SLIT3: variants seen among roughly 807,000 people sequenced by gnomAD.
SLIT3 encodes the protein slit homolog 3 protein.
Under a neutral mutation model 184.0 loss-of-function variants are expected in SLIT3, and 68 were observed. The observed-to-expected ratio is 0.37, with a 90% CI of 0.30 to 0.45. The LOEUF (loss-of-function observed/expected upper bound fraction) is 0.45, where lower values mean the gene tolerates loss of function less well. Among genes scored for constraint, SLIT3 ranks in the 20% least tolerant of loss-of-function variants. The pLI is 1.00. For missense variants in SLIT3, 1,707 were observed against 2,026.0 expected, an observed-to-expected ratio of 0.84 and a Z score of 3.02; for synonymous variants, 831 against 828.6, an observed-to-expected ratio of 1.00 and a Z score of -0.05.
In SLIT3 at chr5:169,103,290, A is replaced by G. The variant is rs184098035; in HGVS notation, c.413+90189T>C. Among the ~76,000 whole-genome samples the G allele has an allele frequency of 2.7e-3, 405 of 152,362 alleles. 2 individuals are homozygous for G. Among genetic ancestry groups the G allele is most frequent in the Middle Eastern group, 0.017 (5 of 294 alleles). On this transcript the variant is annotated intron_variant, in intron 4 of 35. Transcript: ENST00000519560. ...ATTTACCCATCACATTGTGTAAAAT[A>G]GACAAGTCAAGCCTGTTTTATTTGA...
At chr5:169,183,135 A>G in intron 4 of SLIT3, among the ~76,000 whole-genome samples, 1 of 152,224 alleles carries the variant, frequency 6.6e-6, no homozygotes, top group Non-Finnish European at 1.5e-5. Context: ...CATTGGAGTG[A>G]CACACACAGT....
intron 4 of SLIT3, among the ~76,000 whole-genome samples, chr5:168,886,148 G>C (rs929120902): frequency 2.0e-5 from 3 of 152,150 alleles, no homozygotes; most frequent in African/African-American, 7.2e-5. Flanking sequence ...ATGACAATCT[G>C]CTTGTAAATT....
At chr5:168,670,722 TTTC>T (rs1262859754) in intron 34 of SLIT3, among the ~76,000 whole-genome samples, 1 of 152,148 alleles carries the variant, frequency 6.6e-6, no homozygotes, top group Non-Finnish European at 1.5e-5. Context: ...CTGATTCAGG[TTTC>T]TTAACACTGA....
Position 168,967,576 on chromosome 5 carries a change from A to G in SLIT3, c.414-84240T>C, listed in dbSNP as rs532031362. ...TGCCTCAGCCTCCCAAGTAGCTGGG[A>G]CTACAGGCGCCCGCCACTACGCCCG... On this transcript the variant is annotated intron_variant, in intron 4 of 35. Coordinates refer to ENST00000519560, the MANE Select transcript of SLIT3 (RefSeq NM_003062.4). Among the ~76,000 whole-genome samples the G allele has an allele frequency of 7.1e-5, 10 of 140,804 alleles. 1 individual carries two copies. 92.4% of individuals were successfully genotyped at this position (140,804 alleles called of 152,430 possible).
intron 3 of SLIT3, among the ~76,000 whole-genome samples, chr5:169,198,963 C>T (rs1160274079): frequency 1.4e-5 from 2 of 147,286 alleles, no homozygotes; most frequent in Non-Finnish European, 3.0e-5. Flanking sequence ...TACACACACA[C>T]ACACACACAC....
intron 4 of SLIT3, among the ~76,000 whole-genome samples, chr5:169,161,955 G>A (rs559823074): frequency 6.6e-6 from 1 of 152,284 alleles, no homozygotes; most frequent in Admixed American, 6.5e-5. Context: ...TGAGAATTAA[G>A]TTCATGTTTG....
chr5:169,000,392 C>CAAAAAAAAAAAAAA (rs34002967), intron 4 of SLIT3, among the ~76,000 whole-genome samples: 2 of 42,324 alleles, frequency 4.7e-5, no homozygotes, highest in East Asian at 8.5e-4. Context: ...AACTCCATCT[C>CAAAAAAAAAAAAAA]AAAAAAAAAA....
intron 1 of SLIT3, among the ~76,000 whole-genome samples, chr5:169,258,044 T>C (rs1766037241): frequency 6.6e-6 from 1 of 152,164 alleles, no homozygotes; most frequent in Non-Finnish European, 1.5e-5. Context: ...ATATGGTAGG[T>C]ACTATTACCT....
intron 12 of SLIT3, among the ~76,000 whole-genome samples, chr5:168,781,628 CAG>C (rs1279999896): frequency 6.6e-6 from 1 of 152,118 alleles, no homozygotes; most frequent in Non-Finnish European, 1.5e-5. Flanking sequence ...GACAATGAAC[CAG>C]AGAAAGTTCC....
chr5:168,700,498 T>G, intron 27 of SLIT3, 84 bp downstream of exon 27: 1 of 965,432 alleles, frequency 1.0e-6, no homozygotes, highest in Non-Finnish European at 1.7e-6. Flanking sequence ...CTTTCCTTTA[T>G]AAATTACCCA....
intron 4 of SLIT3, among the ~76,000 whole-genome samples, chr5:168,910,226 G>C (rs773384662): frequency 6.6e-6 from 1 of 152,144 alleles, no homozygotes; most frequent in Non-Finnish European, 1.5e-5. Flanking sequence ...GAAACTGAAG[G>C]CTCAATGTAA....
chr5:169,259,581 T>C (rs1454656772), intron 1 of SLIT3, among the ~76,000 whole-genome samples: 1 of 152,204 alleles, frequency 6.6e-6, no homozygotes, highest in Non-Finnish European at 1.5e-5. Context: ...TACTGCCTTC[T>C]GGGTTTCAGG....
chr5:169,111,972 G>A (rs1248767194), intron 4 of SLIT3, among the ~76,000 whole-genome samples: 1 of 152,198 alleles, frequency 6.6e-6, no homozygotes, highest in Non-Finnish European at 1.5e-5. Flanking sequence ...CAGTCCATGT[G>A]GAACTCTGGA....
At chr5:169,094,255 C>T (rs1759696671) in intron 4 of SLIT3, among the ~76,000 whole-genome samples, 1 of 152,182 alleles carries the variant, frequency 6.6e-6, no homozygotes, top group Admixed American at 6.5e-5. Context: ...AACAGAGGCT[C>T]ATGAAGTTAA....
At chr5:168,705,587 C>G (rs768681106) in intron 26 of SLIT3, among the ~76,000 whole-genome samples, 16 of 152,140 alleles carry the variant, frequency 1.1e-4, no homozygotes, top group Non-Finnish European at 2.2e-4. Flanking sequence ...ATCATGCACC[C>G]TAGACCTGCC....
intron 5 of SLIT3, among the ~76,000 whole-genome samples, chr5:168,854,837 G>T (rs1018535845): frequency 6.6e-6 from 1 of 152,190 alleles, no homozygotes; most frequent in African/African-American, 2.4e-5. Flanking sequence ...TATGTCTGTG[G>T]CAGCAGAAGC....
In SLIT3 at chr5:168,671,274, C is replaced by T. The variant is rs368815494; in HGVS notation, c.4051G>A (p.Val1351Met). Residue 1351 changes from valine (V) to methionine (M), a missense_variant, in exon 34 of 36, where the codon GTG becomes ATG. By Grantham distance (21) the Val-to-Met change is conservative. This residue lies in a region of SLIT3 where 387 missense variants were observed against 477.9 expected (regional missense o/e 0.81). Transcript: ENST00000519560. ...GLCRSVEKDSVVCECRPGWTG... is the reference protein window; with the variant it reads ...GLCRSVEKDSMVCECRPGWTG... ...CAGCCTGGGCGGCACTCGCACACCA[C>T]GCTGTCCTTCTCCACGGAGCGGCAC... 31 of 1,613,620 alleles carry T rather than the reference C, an allele frequency of 1.9e-5. No homozygotes were observed. The highest frequency in any genetic ancestry group is 4.4e-5 in the South Asian group (4 of 91,070).
At chr5:168,806,411 G>A (rs746544169) in intron 9 of SLIT3, 35 bp downstream of exon 9, 11 of 1,612,674 alleles carry the variant, frequency 6.8e-6, no homozygotes, top group Admixed American at 1.7e-5. Context: ...ATTCTCCGGC[G>A]ACAGTTGTTG....
At chr5:168,702,808 G>A (rs1762256078) in intron 26 of SLIT3, among the ~76,000 whole-genome samples, 1 of 152,110 alleles carries the variant, frequency 6.6e-6, no homozygotes, top group South Asian at 2.1e-4. Flanking sequence ...GCATATATGA[G>A]AGTGGTGGTG....
Sources: allele counts gnomAD v4.1 joint callset (sites outside exome capture counted in the v4.1 genomes callset), GRCh38; gene constraint gnomAD v4.1.1; regional missense constraint gnomAD v4.1.1; transcripts MANE v1.5; gene names NCBI Gene and HGNC (gene_info 2026-07-23, HGNC 2026-07-21).